CPNE1: variants seen among roughly 807,000 people sequenced by gnomAD.
The protein encoded by CPNE1 is copine 1, also known as copine-1.
A neutral mutation model predicts 63.2 loss-of-function variants in CPNE1; 58 were observed. The ratio of observed to expected loss-of-function variants is 0.92; its 90% CI spans 0.74 to 1.14. The LOEUF (loss-of-function observed/expected upper bound fraction) is 1.14. CPNE1 is among the 50% of genes most tolerant of loss of function. The probability of loss-of-function intolerance (pLI) is 0.00; values close to 1 mark genes in which losing one functional copy is unlikely to be tolerated. For missense variants in CPNE1, 672 were observed against 661.7 expected (o/e 1.02, Z -0.17); for synonymous variants, 237 against 249.0 (o/e 0.95, Z 0.45).
chr20:35,638,764 A>G (rs2032634544), intron 1 of CPNE1, among the ~76,000 whole-genome samples: 1 of 152,250 alleles, frequency 6.6e-6, no homozygotes, highest in Non-Finnish European at 1.5e-5. Flanking sequence ...TATGAGAACC[A>G]ATTGTGATGT....
intron 1 of CPNE1, among the ~76,000 whole-genome samples, chr20:35,635,545 C>A (rs956991292): frequency 1.3e-5 from 2 of 152,102 alleles, no homozygotes; most frequent in African/African-American, 4.8e-5. Context: ...TGGTTCACCA[C>A]GACAACACCT....
chr20:35,635,178 A>G (rs988558082), intron 1 of CPNE1, among the ~76,000 whole-genome samples: 54 of 151,822 alleles, frequency 3.6e-4, no homozygotes, highest in Non-Finnish European at 5.9e-5. Context: ...TTATATATAC[A>G]TATATATATA....
At chr20:35,657,180 G>C (rs900118030) in intron 1 of CPNE1, among the ~76,000 whole-genome samples, 1 of 152,188 alleles carries the variant, frequency 6.6e-6, no homozygotes, top group Non-Finnish European at 1.5e-5. Context: ...AGAAATTTGG[G>C]AAGTGTGGGG....
At chr20:35,634,422 T>C (rs1483871499) in intron 1 of CPNE1, among the ~76,000 whole-genome samples, 2 of 151,260 alleles carry the variant, frequency 1.3e-5, no homozygotes, top group East Asian at 3.9e-4. Flanking sequence ...GGTGAAACCC[T>C]GTCTCTACTA....
intron 9 of CPNE1, 31 bp downstream of exon 9, chr20:35,631,237 A>G: frequency 6.2e-7 from 1 of 1,613,156 alleles, no homozygotes; most frequent in Non-Finnish European, 8.5e-7. Context: ...CTCAGGAATC[A>G]GAGCCTTGGT....
intron 1 of CPNE1, among the ~76,000 whole-genome samples, chr20:35,636,013 A>T (rs1167902458): frequency 6.6e-6 from 1 of 152,180 alleles, no homozygotes. Context: ...TGGAATTCTT[A>T]CTTCTACCTG....
chr20:35,658,907 ACTCT>A, intron 1 of CPNE1: 2 of 709,810 alleles, frequency 2.8e-6, no homozygotes, highest in Non-Finnish European at 5.2e-6. Context: ...ATAAAAACGA[ACTCT>A]CTATTCAAAA....
intron 1 of CPNE1, among the ~76,000 whole-genome samples, chr20:35,646,730 G>A (rs990608815): frequency 1.1e-4 from 16 of 152,158 alleles, no homozygotes; most frequent in African/African-American, 2.9e-4. Context: ...TTTGAATACA[G>A]TACAGCTCAT....
At position 35,631,593 on chromosome 20, in the gene CPNE1, T is replaced by C; in HGVS notation, c.628-15A>G. On this transcript the variant is annotated splice_polypyrimidine_tract_variant and intron_variant, in intron 7 of 15. Coordinates refer to ENST00000397443, the MANE Select transcript of CPNE1 (RefSeq NM_152925.3). Reference sequence around the variant, plus strand: ...GAGCATTGCACCTGAGGGAAAGGTGTGTGTGGACATAAACAAGCCAGGTGG... The same window carrying C: ...GAGCATTGCACCTGAGGGAAAGGTGCGTGTGGACATAAACAAGCCAGGTGG... 5 of 1,612,136 alleles carry C rather than the reference T, an allele frequency of 3.1e-6. No homozygotes were observed. Among genetic ancestry groups the C allele is most frequent in the Non-Finnish European group, 4.2e-6 (5 of 1,178,354 alleles).
chr20:35,646,934 T>C (rs1253209706), intron 1 of CPNE1, among the ~76,000 whole-genome samples: 1 of 152,116 alleles, frequency 6.6e-6, no homozygotes, highest in Admixed American at 6.5e-5. Flanking sequence ...GGGGAGCCAA[T>C]TCCAATGCTC....
intron 1 of CPNE1, among the ~76,000 whole-genome samples, chr20:35,663,679 A>AAGTGCTCAGTAT (rs2034362556): frequency 2.0e-5 from 3 of 152,194 alleles, no homozygotes; most frequent in Admixed American, 2.0e-4. Context: ...TTAGCACTTA[A>AAGTGCTCAGTAT]TACTGAGTAA....
intron 1 of CPNE1, among the ~76,000 whole-genome samples, chr20:35,639,136 C>T (rs1056112976): frequency 6.6e-6 from 1 of 150,632 alleles, no homozygotes; most frequent in East Asian, 1.9e-4. Flanking sequence ...AAATGTTGCA[C>T]TAAAGTTAAG....
intron 1 of CPNE1, among the ~76,000 whole-genome samples, chr20:35,636,205 T>TG (rs2032477844): frequency 1.3e-5 from 2 of 152,192 alleles, no homozygotes; most frequent in Non-Finnish European, 1.5e-5. Flanking sequence ...ATCACTCCCT[T>TG]GGGGGTTCCC....
At chr20:35,641,698 C>G (rs955629607) in intron 1 of CPNE1, among the ~76,000 whole-genome samples, 2 of 152,162 alleles carry the variant, frequency 1.3e-5, no homozygotes, top group African/African-American at 4.8e-5. Flanking sequence ...CTTTCCAGCA[C>G]TCAACTTCTC....
rs775462629 is a variant in CPNE1 at position 35,654,668 on chromosome 20, G to T, written c.-1+10092C>A. On this transcript the variant is annotated intron_variant, in intron 1 of 15. Transcript: ENST00000397443. ...GGAATCGGGGGCACAGGAGGCACAG[G>T]AGGCAATGTAGGTACTGGAGGAGGA... is the stretch of plus-strand genomic sequence containing the variant. 1.9e-6 allele frequency: 3 copies of T among 1,613,512 alleles called. No individual in the cohort carries two copies. In the African/African-American group the frequency reaches 4.0e-5, roughly 22 times the overall value.
intron 1 of CPNE1, among the ~76,000 whole-genome samples, chr20:35,645,685 T>C (rs1601447819): frequency 6.6e-6 from 1 of 152,212 alleles, no homozygotes; most frequent in Admixed American, 6.5e-5. Context: ...GTCATAGAAG[T>C]AAAGCAGCTC....
chr20:35,631,576 C>A lies in CPNE1; in HGVS notation c.630G>T (p.Val210=), dbSNP rs2146285553. 6.2e-7 allele frequency: 1 copy of A among 1,613,728 alleles called. No individual in the cohort carries two copies. The change falls in exon 8 of 16, where the codon GTG becomes GTT. Residue 210 remains valine (V), a splice_region_variant and synonymous_variant. Coordinates refer to ENST00000397443, the MANE Select transcript of CPNE1 (RefSeq NM_152925.3). The part of the protein sequence containing the change: ...CGGNPSTPIQ[V]QCSDYDSDGS... ...CGTCACTGTCATAATCGGAGCATTG[C>A]ACCTGAGGGAAAGGTGTGTGTGGAC...
chr20:35,652,799 C>T, intron 1 of CPNE1: 1 of 1,608,582 alleles, frequency 6.2e-7, no homozygotes, highest in Non-Finnish European at 8.5e-7. Flanking sequence ...CCAGGGGGAC[C>T]ACCAATATGG....
intron 1 of CPNE1, chr20:35,653,990 G>C (rs762450698): frequency 5.6e-6 from 9 of 1,613,996 alleles, no homozygotes; most frequent in Non-Finnish European, 6.8e-6. Context: ...TCAATGACAT[G>C]TTTGTTTTCT....
Sources: gnomAD v4.1 joint callset for allele counts (sites outside exome capture counted in the v4.1 genomes callset) on GRCh38, gnomAD v4.1.1 for gene constraint, MANE v1.5 for transcripts, NCBI Gene and HGNC (gene_info 2026-07-23, HGNC 2026-07-21) for gene names.